DNMT3A: variants seen among roughly 807,000 people sequenced by gnomAD.
DNMT3A encodes the protein DNA (cytosine-5)-methyltransferase 3A.
A neutral mutation model predicts 117.6 loss-of-function variants in DNMT3A; 267 were observed. The ratio of observed to expected loss-of-function variants is 2.27; its 90% CI spans 2.05 to 2.51. DNMT3A has a LOEUF of 2.51. Among genes scored for constraint, DNMT3A ranks in the 30% most tolerant of loss-of-function variants. The pLI, the probability that DNMT3A is intolerant of heterozygous loss-of-function variation, is 0.00. For missense variants in DNMT3A, 1,029 were observed against 1,260.2 expected, an observed-to-expected ratio of 0.82 and a Z score of 2.78; for synonymous variants, 432 against 474.8, an observed-to-expected ratio of 0.91 and a Z score of 1.17.
rs1360867299 is a variant in DNMT3A, at chr2:25,237,055, G to T, written c.2409-50C>A. ...ACAACAGAAACCTGGATAACAGCGG[G>T]AAGGGCCCCAGCTGCACGACTCCCC... On this transcript the variant is annotated intron_variant, in intron 20 of 22. Coordinates refer to ENST00000321117, the MANE Select transcript of DNMT3A (RefSeq NM_022552.5). The surrounding 1 kb of genome is among the most constrained non-coding windows in gnomAD (Gnocchi z 5.4). The T allele has an allele frequency of 2.5e-6, 4 of 1,595,424 alleles. No individual in the cohort carries two copies. Among genetic ancestry groups the T allele is most frequent in the Non-Finnish European group, 3.4e-6 (4 of 1,167,816 alleles).
At position 25,305,538 on chromosome 2, in the gene DNMT3A, A is replaced by C. The variant is rs1229766458; in HGVS notation, c.73-5295T>G. 2.0e-5 allele frequency among the ~76,000 whole-genome samples: 3 copies of C among 152,144 alleles called. No individual in the cohort carries two copies. Among genetic ancestry groups the C allele is most frequent in the Non-Finnish European group, 4.4e-5 (3 of 68,006 alleles). On this transcript the variant is annotated intron_variant, in intron 2 of 22. Transcript: ENST00000321117. The surrounding 1 kb of genome is among the most constrained non-coding windows in gnomAD (Gnocchi z 4.1). ...CTTTACAGAAAGCAGAGCTGGTATT[A>C]TTTTTTTCTGTTACACAGATGAAAC...
intron 5 of DNMT3A, 90 bp downstream of exon 5, chr2:25,275,410 G>GGGC: frequency 2.1e-6 from 3 of 1,451,156 alleles, no homozygotes; most frequent in Non-Finnish European, 2.8e-6. Flanking sequence ...AGGAGGAGGG[G>GGGC]CCCACCCTCC....
chr2:25,266,102 A>G (rs2030314190), intron 6 of DNMT3A, among the ~76,000 whole-genome samples: 1 of 152,166 alleles, frequency 6.6e-6, no homozygotes, highest in African/African-American at 2.4e-5. Flanking sequence ...CAACCCATCT[A>G]CTTAAAGGAC....
chr2:25,249,752 C>A (rs751529987), intron 6 of DNMT3A: 1 of 1,613,060 alleles, frequency 6.2e-7, no homozygotes, highest in South Asian at 1.1e-5. Flanking sequence ...ATCCTTGATA[C>A]TTAGCTCTGA....
At chr2:25,277,762 A>C (rs1573409462) in intron 4 of DNMT3A, among the ~76,000 whole-genome samples, 1 of 152,266 alleles carries the variant, frequency 6.6e-6, no homozygotes, top group East Asian at 1.9e-4. Flanking sequence ...CAGAAAGCTG[A>C]GACCTGGGGG....
chr2:25,321,720 T>A (rs1449344429), intron 1 of DNMT3A, among the ~76,000 whole-genome samples: 3 of 152,180 alleles, frequency 2.0e-5, no homozygotes, highest in African/African-American at 7.2e-5. Flanking sequence ...ATCCTGTCTC[T>A]ACAAAAATTT....
Position 25,244,319 on chromosome 2 carries a change from CACA to C in DNMT3A, c.1684_1686del (p.Cys562del). 1 of 1,609,114 alleles carries C rather than the reference CACA, an allele frequency of 6.2e-7. No homozygotes were observed. Among genetic ancestry groups the C allele is most frequent in the Non-Finnish European group, 8.5e-7 (1 of 1,177,920 alleles). Reference sequence around the variant, plus strand: ...GCCCCCGGCCCCACCAAGAGGTCCACACACTCCACGCAAAAGCACCTGGAAGGA... The same window carrying C: ...GCCCCCGGCCCCACCAAGAGGTCCACCTCCACGCAAAAGCACCTGGAAGGA... On this transcript the variant is annotated inframe_deletion, in exon 15 of 23. Coordinates refer to ENST00000321117, the MANE Select transcript of DNMT3A (RefSeq NM_022552.5).
intron 14 of DNMT3A, 47 bp downstream of exon 14, chr2:25,244,493 G>A (rs368413537): frequency 1.2e-6 from 2 of 1,604,768 alleles, no homozygotes; most frequent in African/African-American, 2.7e-5. Context: ...GGCGGCGGGA[G>A]CCTGGGGCCC....
In DNMT3A at chr2:25,306,085, G is replaced by T. The variant is rs79729643; in HGVS notation, c.73-5842C>A. Among the ~76,000 whole-genome samples, 460 of 152,310 alleles carry T rather than the reference G, an allele frequency of 3.0e-3. 2 individuals are homozygous for T. Among genetic ancestry groups the T allele is most frequent in the African/African-American group, 0.011 (448 of 41,570 alleles). ...CTGTGGTCATGGAATTCAGTGAAAC[G>T]AATTGGCTTCTGCAAGAGGCAGAGC... On this transcript the variant is annotated intron_variant, in intron 2 of 22. Coordinates refer to ENST00000321117, the MANE Select transcript of DNMT3A (RefSeq NM_022552.5). The surrounding 1 kb of genome is among the most constrained non-coding windows in gnomAD (Gnocchi z 4.1).
In DNMT3A at chr2:25,311,046, G is replaced by A. The variant is rs1045166471; in HGVS notation, c.72+2867C>T. On this transcript the variant is annotated intron_variant, in intron 2 of 22. Coordinates refer to ENST00000321117, the MANE Select transcript of DNMT3A (RefSeq NM_022552.5). The surrounding 1 kb of genome is among the most constrained non-coding windows in gnomAD (Gnocchi z 5.2). ...GGAAAGGGCCCATGCGGCAGAGGGA[G>A]CAGCATAAACAAAGACCTGGAGACT... Among the ~76,000 whole-genome samples, 1 of 151,178 alleles carries A rather than the reference G, an allele frequency of 6.6e-6. No homozygotes were observed. The highest frequency in any genetic ancestry group is 1.5e-5 in the Non-Finnish European group (1 of 67,814).
chr2:25,230,747 G>T lies in DNMT3A; in HGVS notation c.*3532C>A, dbSNP rs1036052257. On this transcript the variant is annotated 3_prime_UTR_variant, in exon 23 of 23. Transcript: ENST00000321117. ...TACTGTGAGACCAAGCACACAGGCTGGGCCGGAAGAAAAGCTGGTGATTGT... is the reference window on the plus strand; with the variant it reads ...TACTGTGAGACCAAGCACACAGGCTTGGCCGGAAGAAAAGCTGGTGATTGT... 2.7e-5 allele frequency: 4 copies of T among 148,612 alleles called. No individual in the cohort carries two copies. The highest frequency in any genetic ancestry group is 1.0e-4 in the African/African-American group (4 of 40,086). The allele number at this position is 148,612 out of a possible 1,614,324, so 9.2% of individuals were successfully genotyped here.
chr2:25,255,584 C>T (rs1465825), intron 6 of DNMT3A, among the ~76,000 whole-genome samples: 107,808 of 152,036 alleles, frequency 0.71, 38,674 homozygotes, highest in Non-Finnish European at 0.75. Flanking sequence ...CATAGGCCTC[C>T]TAAGCCCGAC....
At position 25,274,932 on chromosome 2, in the gene DNMT3A, G is replaced by A. The variant is rs1264678165; in HGVS notation, c.639+9C>T. 8 of 1,604,758 alleles carry A rather than the reference G, an allele frequency of 5.0e-6. No homozygotes were observed. The highest frequency in any genetic ancestry group is 6.8e-6 in the Non-Finnish European group (8 of 1,173,330). On this transcript the variant is annotated intron_variant, in intron 6 of 22. Coordinates refer to ENST00000321117, the MANE Select transcript of DNMT3A (RefSeq NM_022552.5). ...GACGGGCTGGGGCCCAGGCCAGAAG[G>A]CGCCTCACCTCCCTTTTCCAGCGTG...
intron 2 of DNMT3A, 100 bp from the exon 3 acceptor site, chr2:25,300,343 G>T: frequency 7.5e-7 from 1 of 1,335,306 alleles, no homozygotes; most frequent in Non-Finnish European, 1.0e-6. Context: ...TCCAGCCCCA[G>T]CCTCCTCCTG....
rs2034098673 is a variant in DNMT3A, at chr2:25,311,218, TCCATCTGGCTTGCCAA to T, written c.72+2679_72+2694del. Among the ~76,000 whole-genome samples, 1 of 152,116 alleles carries T rather than the reference TCCATCTGGCTTGCCAA, an allele frequency of 6.6e-6. No individual in the cohort carries two copies. Among genetic ancestry groups the T allele is most frequent in the South Asian group, 2.1e-4 (1 of 4,832 alleles). On this transcript the variant is annotated intron_variant, in intron 2 of 22. Transcript: ENST00000321117. This position sits in a 1 kb window ranked among gnomAD's most constrained non-coding sequence, Gnocchi z 5.2. The stretch of plus-strand genomic sequence containing the variant: ...AGGGCCATTGGTTGGCCACACCCCT[TCCATCTGGCTTGCCAA>T]ACAGTTCCTTTGTGCACAGTGCCCC...
chr2:25,234,255 T>C lies in DNMT3A; in HGVS notation c.*24A>G. Reference sequence around the variant, plus strand: ...GTTTGTTTGTTTAACTTTGTGTCGCTACCTCAGTTTGCCCCCATGTCCCTT... The same window carrying C: ...GTTTGTTTGTTTAACTTTGTGTCGCCACCTCAGTTTGCCCCCATGTCCCTT... On this transcript the variant is annotated 3_prime_UTR_variant, in exon 23 of 23. Transcript: ENST00000321117. The surrounding 1 kb of genome is among the most constrained non-coding windows in gnomAD (Gnocchi z 4.5). The C allele has an allele frequency of 6.3e-7, 1 of 1,592,572 alleles. No individual in the cohort carries two copies. Among genetic ancestry groups the C allele is most frequent in the East Asian group, 2.3e-5 (1 of 44,312 alleles).
chr2:25,245,902 T>C, intron 12 of DNMT3A, 118 bp downstream of exon 12: 5 of 1,253,764 alleles, frequency 4.0e-6, no homozygotes, highest in Non-Finnish European at 5.8e-6. Flanking sequence ...ACGGTGAAGG[T>C]GGTGTGACAC....
Position 25,247,315 on chromosome 2 carries a change from T to C in DNMT3A, c.1015-157A>G. ...AATAATTACCCGATGCAAAGAGGAGTCCAGACCAAGAGTAGGGAAGTACCT... is the reference window on the plus strand; with the variant it reads ...AATAATTACCCGATGCAAAGAGGAGCCCAGACCAAGAGTAGGGAAGTACCT... On this transcript the variant is annotated intron_variant, in intron 8 of 22. Coordinates refer to ENST00000321117, the MANE Select transcript of DNMT3A (RefSeq NM_022552.5). The surrounding 1 kb of genome is among the most constrained non-coding windows in gnomAD (Gnocchi z 5.6). The C allele has an allele frequency of 1.2e-6, 1 of 816,132 alleles. No homozygotes were observed. Among genetic ancestry groups the C allele is most frequent in the East Asian group, 2.7e-5 (1 of 37,340 alleles). The allele number at this position is 816,132 out of a possible 1,614,324, so 50.6% of individuals were successfully genotyped here. A position where few individuals can be genotyped will look rare whatever the true frequency, so the allele number is the denominator to read the frequency against.
chr2:25,265,234 G>A (rs1037823989), intron 6 of DNMT3A, among the ~76,000 whole-genome samples: 1 of 152,236 alleles, frequency 6.6e-6, no homozygotes. Flanking sequence ...AGAGGCATGG[G>A]GAGCAGCCCC....
Sources: allele counts gnomAD v4.1 joint callset (sites outside exome capture counted in the v4.1 genomes callset), GRCh38; gene constraint gnomAD v4.1.1; non-coding constraint Gnocchi (gnomAD v3.1); transcripts MANE v1.5; gene names NCBI Gene and HGNC (gene_info 2026-07-23, HGNC 2026-07-21).